Variants in SDHB observed in about 807,000 individuals in gnomAD.
SDHB encodes succinate dehydrogenase complex iron sulfur subunit B.
A neutral mutation model predicts 39.7 loss-of-function variants in SDHB; 21 were observed. That is an observed-to-expected ratio of 0.53 (90% CI 0.37 to 0.76). The LOEUF (loss-of-function observed/expected upper bound fraction) is 0.76. Among genes scored for constraint, SDHB ranks in the 30% least tolerant of loss-of-function variants. SDHB has a pLI of 0.00. For missense variants in SDHB, 343 were observed against 350.9 expected, an observed-to-expected ratio of 0.98 and a Z score of 0.18; for synonymous variants, 118 against 117.0, an observed-to-expected ratio of 1.01 and a Z score of -0.06.
intron 4 of SDHB, 138 bp downstream of exon 4, chr1:17,028,462 C>T (rs2078003567): frequency 1.2e-6 from 1 of 852,874 alleles, no homozygotes; most frequent in Non-Finnish European, 1.9e-6. Flanking sequence ...AGGAAACAGT[C>T]CCATCTATTT....
intron 2 of SDHB, among the ~76,000 whole-genome samples, chr1:17,038,965 T>A (rs2078064186): frequency 1.3e-5 from 2 of 152,176 alleles, no homozygotes; most frequent in African/African-American, 4.8e-5. Context: ...TGAATCACAT[T>A]GATTTTCAAA....
chr1:17,022,984 G>GT, intron 6 of SDHB: 1 of 443,030 alleles, frequency 2.3e-6, no homozygotes, highest in Non-Finnish European at 4.2e-6. Flanking sequence ...TACACACTGG[G>GT]TATCATCTCC....
At chr1:17,031,704 T>C (rs951577505) in intron 3 of SDHB, among the ~76,000 whole-genome samples, 3 of 152,188 alleles carry the variant, frequency 2.0e-5, no homozygotes, top group African/African-American at 7.2e-5. Flanking sequence ...TAAAAAGCCA[T>C]GGGCCGGTAT....
At chr1:17,040,094 T>C (rs2078072513) in intron 2 of SDHB, among the ~76,000 whole-genome samples, 2 of 152,330 alleles carry the variant, frequency 1.3e-5, no homozygotes, top group East Asian at 3.9e-4. Context: ...GAACGTGGAA[T>C]TCCAGGCTGA....
At chr1:17,032,879 G>C in intron 3 of SDHB, 181 bp downstream of exon 3, 1 of 665,786 alleles carries the variant, frequency 1.5e-6, no homozygotes, top group South Asian at 1.7e-5. Flanking sequence ...TCAGAAACCA[G>C]AACTTGCACC....
chr1:17,048,360 T>A (rs918694240), intron 1 of SDHB, among the ~76,000 whole-genome samples: 3 of 152,240 alleles, frequency 2.0e-5, no homozygotes, highest in African/African-American at 7.2e-5. Context: ...CAAGGTATCA[T>A]GTACCACAAT....
chr1:17,035,991 A>C (rs1017414083), intron 2 of SDHB, among the ~76,000 whole-genome samples: 3 of 152,198 alleles, frequency 2.0e-5, no homozygotes, highest in African/African-American at 7.2e-5. Flanking sequence ...GTTTCATGCT[A>C]AATTTCCTAA....
chr1:17,039,854 A>G (rs958129256), intron 2 of SDHB, among the ~76,000 whole-genome samples: 1 of 152,212 alleles, frequency 6.6e-6, no homozygotes, highest in Non-Finnish European at 1.5e-5. Flanking sequence ...TTAAACAGTC[A>G]TATTAATTTT....
chr1:17,040,838 A>C (rs1343127627), intron 2 of SDHB, among the ~76,000 whole-genome samples: 1 of 151,726 alleles, frequency 6.6e-6, no homozygotes. Context: ...TCTTAAGAAC[A>C]GATAATTTCG....
intron 2 of SDHB, among the ~76,000 whole-genome samples, 186 bp downstream of exon 2, chr1:17,044,575 C>T (rs575712872): frequency 1.1e-4 from 17 of 152,324 alleles, no homozygotes; most frequent in Admixed American, 8.5e-4. Flanking sequence ...ATCTGCCCGC[C>T]TGAGCCTCCC....
At chr1:17,035,872 A>G (rs993178841) in intron 2 of SDHB, among the ~76,000 whole-genome samples, 1 of 152,064 alleles carries the variant, frequency 6.6e-6, no homozygotes, top group Non-Finnish European at 1.5e-5. Context: ...AAATAAATAA[A>G]TAAATAGATA....
At position 17,046,648 on chromosome 1, in the gene SDHB, T is replaced by C. The variant is rs960237789; in HGVS notation, c.73-1760A>G. On this transcript the variant is annotated intron_variant, in intron 1 of 7. Coordinates refer to ENST00000375499, the MANE Select transcript of SDHB (RefSeq NM_003000.3). Reference sequence around the variant, plus strand: ...GTCTAGCTTCTTTCACTCAACATAATGCTTCTGAGATTCATATGTTACTGC... The same window carrying C: ...GTCTAGCTTCTTTCACTCAACATAACGCTTCTGAGATTCATATGTTACTGC... 2.0e-5 allele frequency among the ~76,000 whole-genome samples: 3 copies of C among 152,194 alleles called. No individual in the cohort carries two copies. In the East Asian group the frequency reaches 5.8e-4, roughly 29 times the overall value.
At chr1:17,034,147 A>AT (rs34218856) in intron 2 of SDHB, among the ~76,000 whole-genome samples, 63,218 of 151,358 alleles carry the variant, frequency 0.42, 14,979 homozygotes, top group Non-Finnish European at 0.54. Context: ...TCTGTATTTC[A>AT]TTTTTTTTCT....
At chr1:17,023,641 G>A (rs926373658) in intron 6 of SDHB, among the ~76,000 whole-genome samples, 12 of 152,272 alleles carry the variant, frequency 7.9e-5, no homozygotes, top group East Asian at 3.9e-4. Flanking sequence ...CTGCTTGCTC[G>A]CTACAAGTCT....
rs916516745 is a variant in SDHB, at chr1:17,022,719, C to T, written c.654G>A (p.Trp218Ter). ...TGAAGTCATCTCTGGAGTCAATCAT[C>T]CAGCGATAGGCCTGGAAAACCAGGG... ...GPAVLMQAYR[W>*]MIDSRDDFTE... Residue 218 changes from tryptophan to a stop codon, truncating the protein, a stop_gained, in exon 7 of 8, where the codon TGG (tryptophan) becomes TGA (stop). Transcript: ENST00000375499. LOFTEE classifies it high-confidence loss of function. The T allele has an allele frequency of 6.2e-7, 1 of 1,613,726 alleles. No homozygotes were observed. Among genetic ancestry groups the T allele is most frequent in the Non-Finnish European group, 8.5e-7 (1 of 1,179,732 alleles).
chr1:17,025,968 G>T (rs930542704), intron 5 of SDHB, among the ~76,000 whole-genome samples: 1 of 152,224 alleles, frequency 6.6e-6, no homozygotes, highest in Non-Finnish European at 1.5e-5. Flanking sequence ...ACTAGTAAGT[G>T]TAAGGCAAAT....
intron 2 of SDHB, among the ~76,000 whole-genome samples, chr1:17,037,070 G>A (rs1227876247): frequency 3.9e-5 from 6 of 152,038 alleles, no homozygotes; most frequent in Admixed American, 1.3e-4. Context: ...TGTATACATA[G>A]CTACAAAGTA....
At chr1:17,043,252 C>T (rs899627212) in intron 2 of SDHB, among the ~76,000 whole-genome samples, 5 of 152,062 alleles carry the variant, frequency 3.3e-5, no homozygotes, top group Non-Finnish European at 7.3e-5. Context: ...TGAGCCACCG[C>T]GCCCGGCCTG....
intron 6 of SDHB, 187 bp from the exon 7 acceptor site, chr1:17,022,917 T>A: frequency 2.9e-6 from 2 of 688,824 alleles, no homozygotes; most frequent in Non-Finnish European, 4.9e-6. Flanking sequence ...TTCACTTGAT[T>A]AATGGTCCCT....
Sources: gnomAD v4.1 joint callset for allele counts (sites outside exome capture counted in the v4.1 genomes callset) on GRCh38, gnomAD v4.1.1 for gene constraint, MANE v1.5 for transcripts, NCBI Gene and HGNC (gene_info 2026-07-23, HGNC 2026-07-21) for gene names.